CSMD1: variants seen among roughly 807,000 people sequenced by gnomAD.
CSMD1 encodes CUB and Sushi multiple domains 1.
In CSMD1, 213 loss-of-function variants were observed where a neutral mutation model predicts 417.5. The ratio of observed to expected loss-of-function variants is 0.51; its 90% CI spans 0.46 to 0.57. The LOEUF (loss-of-function observed/expected upper bound fraction) is 0.57, where lower values mean the gene tolerates loss of function less well. Among genes scored for constraint, CSMD1 ranks in the 20% least tolerant of loss-of-function variants. CSMD1 has a pLI of 0.00. For synonymous variants in CSMD1, 2,862 were observed against 1,736.8 expected (o/e 1.65, Z -16.11); for missense variants, 6,923 against 4,529.7 (o/e 1.53, Z -15.17).
chr8:4,231,123 C>T (rs1387119941), intron 3 of CSMD1, among the ~76,000 whole-genome samples: 1 of 152,156 alleles, frequency 6.6e-6, no homozygotes, highest in Non-Finnish European at 1.5e-5. Context: ...TGTTGAACTA[C>T]AGAAGAGTAT....
At chr8:3,487,661 G>A (rs1345125764) in intron 11 of CSMD1, among the ~76,000 whole-genome samples, 1 of 152,198 alleles carries the variant, frequency 6.6e-6, no homozygotes, top group Non-Finnish European at 1.5e-5. Context: ...GGAATTGCCA[G>A]ATAGAATTTT....
chr8:3,324,305 G>T (rs934062301), intron 23 of CSMD1, among the ~76,000 whole-genome samples: 1 of 151,072 alleles, frequency 6.6e-6, no homozygotes, highest in Non-Finnish European at 1.5e-5. Flanking sequence ...AGACCCAGGA[G>T]GGGGAGTTTC....
At chr8:4,453,561 A>G (rs1014868473) in intron 2 of CSMD1, among the ~76,000 whole-genome samples, 1 of 152,290 alleles carries the variant, frequency 6.6e-6, no homozygotes, top group South Asian at 2.1e-4. Context: ...CTTGGGCCAC[A>G]TGACTGGCTT....
chr8:3,449,103 C>G (rs530123425), intron 12 of CSMD1, among the ~76,000 whole-genome samples: 1 of 152,222 alleles, frequency 6.6e-6, no homozygotes, highest in Non-Finnish European at 1.5e-5. Flanking sequence ...GAGTTCTACA[C>G]AGCACAAAGC....
At chr8:3,712,418 C>G (rs59020882) in intron 6 of CSMD1, among the ~76,000 whole-genome samples, 73,917 of 134,170 alleles carry the variant, frequency 0.55, 19,300 homozygotes, top group Admixed American at 0.59. Context: ...GACAGACAGA[C>G]AGACAGACAG....
intron 51 of CSMD1, among the ~76,000 whole-genome samples, chr8:3,023,823 C>A (rs1421801854): frequency 2.7e-5 from 4 of 147,556 alleles, no homozygotes; most frequent in South Asian, 2.2e-4. Context: ...ATCTTACAAG[C>A]AGGGCCACTC....
At chr8:4,324,557 G>C (rs1208864656) in intron 3 of CSMD1, among the ~76,000 whole-genome samples, 1 of 152,176 alleles carries the variant, frequency 6.6e-6, no homozygotes, top group African/African-American at 2.4e-5. Context: ...GCCAATGCCA[G>C]GGAATAATTT....
In CSMD1 at chr8:3,726,460, T is replaced by C. The variant is rs538621112; in HGVS notation, c.932-17969A>G. Among the ~76,000 whole-genome samples, 9 of 152,290 alleles carry C rather than the reference T, an allele frequency of 5.9e-5. No individual in the cohort carries two copies. The South Asian group carries it at 1.2e-3, about 21-fold the overall frequency. On this transcript the variant is annotated intron_variant, in intron 6 of 69. Coordinates refer to ENST00000635120, the MANE Select transcript of CSMD1 (RefSeq NM_033225.6). ...AGGACAGGGGTCAGCAGGTATTGAA[T>C]GTGTAGAGCCAGATGGGATGCTTTA... is the stretch of plus-strand genomic sequence containing the variant.
intron 3 of CSMD1, among the ~76,000 whole-genome samples, chr8:4,277,541 T>C (rs879811490): frequency 4.6e-5 from 7 of 152,188 alleles, no homozygotes; most frequent in Non-Finnish European, 1.0e-4. Context: ...GAGAGTTTTC[T>C]TGAAATTATA....
At chr8:4,990,369 A>ATTT (rs10625552) in intron 1 of CSMD1, among the ~76,000 whole-genome samples, 3,843 of 150,454 alleles carry the variant, frequency 0.026, 65 homozygotes, top group Middle Eastern at 0.059. Context: ...AGGGGTTCAC[A>ATTT]TTTTTTTTTT....
intron 1 of CSMD1, among the ~76,000 whole-genome samples, chr8:4,701,900 C>G (rs945317238): frequency 6.6e-6 from 1 of 152,156 alleles, no homozygotes; most frequent in Non-Finnish European, 1.5e-5. Context: ...ACATGTGGCA[C>G]ACGTACACTG....
In CSMD1 at chr8:3,311,014, C is replaced by CAACTT. The variant is rs575707755; in HGVS notation, c.3632-2516_3632-2512dup. On this transcript the variant is annotated intron_variant, in intron 23 of 69. Transcript: ENST00000635120. ...GGTCAAGATGCCTACACAGGCTGCTCAACTTAACAAATGAGGTTACGTCCC... is the reference window on the plus strand; with the variant it reads ...GGTCAAGATGCCTACACAGGCTGCTCAACTTAACTTAACAAATGAGGTTACGTCCC... Among the ~76,000 whole-genome samples, 66 of 152,266 alleles carry CAACTT rather than the reference C, an allele frequency of 4.3e-4. No individual in the cohort carries two copies. In the South Asian group the frequency reaches 0.012, roughly 27 times the overall value.
At chr8:4,516,379 A>G (rs917377619) in intron 2 of CSMD1, among the ~76,000 whole-genome samples, 1 of 152,192 alleles carries the variant, frequency 6.6e-6, no homozygotes, top group Admixed American at 6.5e-5. Context: ...GTACTTTATC[A>G]TGGCAGCCTG....
chr8:4,513,586 T>G (rs563346263), intron 2 of CSMD1, among the ~76,000 whole-genome samples: 2 of 152,156 alleles, frequency 1.3e-5, no homozygotes, highest in African/African-American at 4.8e-5. Context: ...TTAAGCACAT[T>G]TGTGTTAAAT....
At chr8:4,545,693 C>T (rs905069662) in intron 2 of CSMD1, among the ~76,000 whole-genome samples, 2 of 152,132 alleles carry the variant, frequency 1.3e-5, no homozygotes, top group African/African-American at 4.8e-5. Flanking sequence ...TCACTATTTT[C>T]TCTGTTAAAG....
At chr8:4,688,226 T>G (rs1175448437) in intron 1 of CSMD1, among the ~76,000 whole-genome samples, 1 of 152,166 alleles carries the variant, frequency 6.6e-6, no homozygotes, top group Non-Finnish European at 1.5e-5. Flanking sequence ...AATCCTTATA[T>G]CTTACGTCTT....
At chr8:3,542,335 TCAGA>T (rs1271871934) in intron 10 of CSMD1, among the ~76,000 whole-genome samples, 1 of 152,244 alleles carries the variant, frequency 6.6e-6, no homozygotes, top group Non-Finnish European at 1.5e-5. Flanking sequence ...GATGGTTCAT[TCAGA>T]ATCTTCAATT....
chr8:4,283,700 C>T (rs1336902965), intron 3 of CSMD1, among the ~76,000 whole-genome samples: 1 of 152,074 alleles, frequency 6.6e-6, no homozygotes, highest in African/African-American at 2.4e-5. Flanking sequence ...TTTTGAGAAG[C>T]ACACACTTTT....
intron 3 of CSMD1, among the ~76,000 whole-genome samples, chr8:4,281,618 G>C (rs1275098815): frequency 6.6e-6 from 1 of 152,132 alleles, no homozygotes; most frequent in African/African-American, 2.4e-5. Flanking sequence ...AAAAGTTAAA[G>C]CTTTTAACTT....
Sources: allele counts gnomAD v4.1 joint callset (sites outside exome capture counted in the v4.1 genomes callset), GRCh38; gene constraint gnomAD v4.1.1; transcripts MANE v1.5; gene names NCBI Gene and HGNC (gene_info 2026-07-23, HGNC 2026-07-21).